Variants in CLDN14 observed in about 807,000 individuals in gnomAD.
The protein encoded by CLDN14 is claudin 14, also known as claudin-14.
In CLDN14, 2 loss-of-function variants were observed where a neutral mutation model predicts 2.1. That is an observed-to-expected ratio of 0.96 (90% CI 0.39 to 3.01). The LOEUF (loss-of-function observed/expected upper bound fraction) is 3.01. Among genes scored for constraint, CLDN14 ranks in the 30% most tolerant of loss-of-function variants. The probability of loss-of-function intolerance (pLI) is 0.09; values close to 1 mark genes in which losing one functional copy is unlikely to be tolerated. For missense variants in CLDN14, 298 were observed against 328.0 expected (o/e 0.91, Z 0.71); for synonymous variants, 136 against 154.4 (o/e 0.88, Z 0.88).
chr21:36,507,509 A>G (rs536625717), intron 2 of CLDN14, among the ~76,000 whole-genome samples: 17 of 152,200 alleles, frequency 1.1e-4, no homozygotes, highest in Non-Finnish European at 1.0e-4. Flanking sequence ...CACACCTGTA[A>G]TCCCAGCACT....
intron 2 of CLDN14, among the ~76,000 whole-genome samples, chr21:36,489,131 A>AAAAAATATATATATATATATAT: frequency 1.6e-5 from 1 of 62,738 alleles, no homozygotes; most frequent in Non-Finnish European, 3.0e-5. Context: ...AAAAAAAAAA[A>AAAAAATATATATATATATATAT]ATATATATAT....
At chr21:36,495,916 T>C (rs1312100671) in intron 2 of CLDN14, among the ~76,000 whole-genome samples, 2 of 152,126 alleles carry the variant, frequency 1.3e-5, no homozygotes, top group East Asian at 3.9e-4. Flanking sequence ...AGATTGCAGC[T>C]GTAGGGCAGG....
chr21:36,559,054 T>A (rs1048536213), intron 1 of CLDN14, among the ~76,000 whole-genome samples: 17 of 152,306 alleles, frequency 1.1e-4, no homozygotes, highest in African/African-American at 3.6e-4. Flanking sequence ...ATCCTTACCT[T>A]GTTCCTTATC....
chr21:36,545,723 C>G (rs947924816), intron 1 of CLDN14, among the ~76,000 whole-genome samples: 1 of 152,164 alleles, frequency 6.6e-6, no homozygotes, highest in Non-Finnish European at 1.5e-5. Flanking sequence ...TTAAAGCTGG[C>G]AGCTCTGTGT....
chr21:36,565,997 A>G (rs1200340923), intron 1 of CLDN14, among the ~76,000 whole-genome samples: 1 of 152,246 alleles, frequency 6.6e-6, no homozygotes, highest in African/African-American at 2.4e-5. Flanking sequence ...GTTTCCAGAC[A>G]TAAGTCTAGT....
chr21:36,482,891 C>T (rs2086862247), upstream of CLDN14, among the ~76,000 whole-genome samples: 1 of 152,208 alleles, frequency 6.6e-6, no homozygotes, highest in African/African-American at 2.4e-5. Context: ...TTGTCCTGAA[C>T]ACAAAGGCAG....
At chr21:36,546,079 G>GT (rs1489442783) in intron 1 of CLDN14, among the ~76,000 whole-genome samples, 2 of 152,198 alleles carry the variant, frequency 1.3e-5, no homozygotes, top group East Asian at 3.8e-4. Flanking sequence ...TATTTCTGAG[G>GT]TTGTTCAACC....
chr21:36,567,214 T>C (rs748255125), intron 1 of CLDN14, among the ~76,000 whole-genome samples: 3 of 152,236 alleles, frequency 2.0e-5, no homozygotes, highest in Non-Finnish European at 4.4e-5. Flanking sequence ...CACATTCACA[T>C]AGATGAACTC....
intron 1 of CLDN14, among the ~76,000 whole-genome samples, chr21:36,571,002 C>A (rs992268565): frequency 2.0e-5 from 3 of 152,090 alleles, no homozygotes; most frequent in Non-Finnish European, 4.4e-5. Context: ...CCACCACGCC[C>A]GGCTGATTTT....
chr21:36,568,790 A>G (rs115316085), intron 1 of CLDN14, among the ~76,000 whole-genome samples: 1,837 of 152,334 alleles, frequency 0.012, 43 homozygotes, highest in African/African-American at 0.042. Context: ...GACACGCCAC[A>G]TATGCCTTTC....
At chr21:36,565,828 C>T (rs181067239) in intron 1 of CLDN14, among the ~76,000 whole-genome samples, 20 of 152,304 alleles carry the variant, frequency 1.3e-4, no homozygotes, top group Admixed American at 5.9e-4. Context: ...CACAGCTGCT[C>T]AAGATCCATG....
chr21:36,549,210 T>C (rs443968), intron 1 of CLDN14, among the ~76,000 whole-genome samples: 125,138 of 150,366 alleles, frequency 0.83, 52,589 homozygotes, highest in Non-Finnish European at 0.9. Context: ...GAAATGGAGA[T>C]TGAAAGACAG....
At chr21:36,537,235 CAGAG>C (rs146602302) in intron 1 of CLDN14, among the ~76,000 whole-genome samples, 27 of 150,908 alleles carry the variant, frequency 1.8e-4, no homozygotes, top group African/African-American at 5.6e-4. Context: ...AACAAATCTG[CAGAG>C]AGAGAGAGAG....
At position 36,515,785 on chromosome 21, in the gene CLDN14, T is replaced by TTC. The variant is rs200073560; in HGVS notation, c.-219-5287_-219-5286dup. ...TGCTAAGCTGTGTTTCCCTTTTATC[T>TTC]TCTCTTTTTTTTTTTTTTTGAGACA... is the stretch of plus-strand genomic sequence containing the variant. On this transcript the variant is annotated intron_variant, in intron 1 of 2. Transcript: ENST00000342108. Among the ~76,000 whole-genome samples, 3 of 50,532 alleles carry TTC rather than the reference T, an allele frequency of 5.9e-5. 1 individual carries two copies. Among genetic ancestry groups the TTC allele is most frequent in the Non-Finnish European group, 2.4e-4 (3 of 12,712 alleles). The allele number at this position is 50,532 out of a possible 152,430, so 33.2% of individuals were successfully genotyped here. A position where few individuals can be genotyped will look rare whatever the true frequency, so the allele number is the denominator to read the frequency against.
intron 2 of CLDN14, chr21:36,486,518 G>A (rs541446134): frequency 7.0e-6 from 11 of 1,565,192 alleles, no homozygotes; most frequent in Non-Finnish European, 9.7e-6. Context: ...ACCCAGCATG[G>A]CACCCCCTTC....
intron 2 of CLDN14, among the ~76,000 whole-genome samples, chr21:36,495,213 C>T (rs1362486063): frequency 1.3e-5 from 2 of 152,168 alleles, no homozygotes; most frequent in Non-Finnish European, 2.9e-5. Context: ...CCTGTAACCC[C>T]AGCTACTCAA....
In CLDN14 at chr21:36,461,703, C is replaced by T. The variant is rs1400626121; in HGVS notation, c.-8G>A. 3 of 1,549,100 alleles carry T rather than the reference C, an allele frequency of 1.9e-6. No individual in the cohort carries two copies. The highest frequency in any genetic ancestry group is 2.6e-6 in the Non-Finnish European group (3 of 1,147,190). ...CACGGCCGTGCTGGCCATGGTGCGG[C>T]TGCCTGCCTAGGCCAGCCGGGCAGC... On this transcript the variant is annotated 5_prime_UTR_variant, in exon 2 of 2. Transcript: ENST00000399135.
intron 2 of CLDN14, among the ~76,000 whole-genome samples, chr21:36,494,457 C>G (rs1002641536): frequency 6.6e-6 from 1 of 152,190 alleles, no homozygotes; most frequent in Non-Finnish European, 1.5e-5. Flanking sequence ...AGAATCTGAA[C>G]TGTTACTGCC....
intron 1 of CLDN14, among the ~76,000 whole-genome samples, chr21:36,543,581 T>A (rs1319231392): frequency 6.6e-6 from 1 of 152,206 alleles, no homozygotes; most frequent in Non-Finnish European, 1.5e-5. Context: ...CTATAATAAG[T>A]GCTTTAGCAC....
Sources: gnomAD v4.1 joint callset for allele counts (sites outside exome capture counted in the v4.1 genomes callset) on GRCh38, gnomAD v4.1.1 for gene constraint, MANE v1.5 for transcripts, NCBI Gene and HGNC (gene_info 2026-07-23, HGNC 2026-07-21) for gene names.